Variants in OPTN observed in about 807,000 individuals in gnomAD.
The protein encoded by OPTN is E3-14.7K-interacting protein.
Under a neutral mutation model 70.4 loss-of-function variants are expected in OPTN, and 54 were observed. The observed-to-expected ratio is 0.77, with a 90% confidence interval of 0.62 to 0.96. OPTN has a LOEUF of 0.96. Ranked by LOEUF, OPTN falls within the 40% of genes least tolerant of loss-of-function variation. OPTN has a pLI of 0.00. For missense variants in OPTN, 624 were observed against 673.2 expected, an observed-to-expected ratio of 0.93 and a Z score of 0.81; for synonymous variants, 256 against 248.5, an observed-to-expected ratio of 1.03 and a Z score of -0.28.
intron 7 of OPTN, among the ~76,000 whole-genome samples, chr10:13,120,635 G>A (rs942319061): frequency 6.6e-6 from 1 of 151,764 alleles, no homozygotes; most frequent in Non-Finnish European, 1.5e-5. Flanking sequence ...TCCATTTTGA[G>A]TTTGTTTCTG....
chr10:13,122,739 C>G (rs762882402), intron 8 of OPTN: 1 of 419,238 alleles, frequency 2.4e-6, no homozygotes, highest in Non-Finnish European at 4.5e-6. Context: ...TGCAGTGGCA[C>G]GATCTCAGCT....
intron 6 of OPTN, among the ~76,000 whole-genome samples, chr10:13,117,058 C>A (rs74524542): frequency 0.014 from 2,009 of 148,280 alleles, 41 homozygotes; most frequent in South Asian, 0.056. Flanking sequence ...AGACGATTGT[C>A]TGAAAAGAAC....
intron 11 of OPTN, among the ~76,000 whole-genome samples, chr10:13,126,588 G>A (rs56156496): frequency 0.011 from 1,684 of 152,028 alleles, 12 homozygotes; most frequent in Non-Finnish European, 0.017. Flanking sequence ...CCAGCACTTC[G>A]TATTTCTAAG....
intron 5 of OPTN, among the ~76,000 whole-genome samples, chr10:13,115,586 T>C (rs1173220550): frequency 1.5e-5 from 2 of 132,576 alleles, no homozygotes; most frequent in Non-Finnish European, 3.1e-5. Flanking sequence ...TAATTACATA[T>C]ATAACATTAT....
chr10:13,111,955 G>C (rs150877858), intron 4 of OPTN, among the ~76,000 whole-genome samples: 2,354 of 134,536 alleles, frequency 0.017, 37 homozygotes, highest in East Asian at 0.045. Context: ...TCACGCCATT[G>C]TCCTGCCTCA....
chr10:13,136,742 C>T lies in OPTN; in HGVS notation c.1613-3C>T, dbSNP rs2131534998. 6.2e-7 allele frequency: 1 copy of T among 1,613,912 alleles called. No individual in the cohort carries two copies. The highest frequency in any genetic ancestry group is 8.5e-7 in the Non-Finnish European group (1 of 1,179,878). On this transcript the variant is annotated splice_polypyrimidine_tract_variant and splice_region_variant and intron_variant, in intron 14 of 14. Coordinates refer to ENST00000378747, the MANE Select transcript of OPTN (RefSeq NM_001008212.2). ...CTAATGGAATTATCATACTTATTCC[C>T]AGGAGCTGAGGACAGGGACTGGCGG...
intron 1 of OPTN, among the ~76,000 whole-genome samples, chr10:13,102,626 G>C (rs1028251585): frequency 3.9e-5 from 6 of 152,168 alleles, no homozygotes; most frequent in African/African-American, 1.4e-4. Flanking sequence ...TGTGGGGATG[G>C]AGAGGAGGCA....
chr10:13,137,188 A>G lies in OPTN; in HGVS notation c.*322A>G, dbSNP rs1434022607. 7.1e-6 allele frequency: 3 copies of G among 423,500 alleles called. No homozygotes were observed. The highest frequency in any genetic ancestry group is 6.0e-5 in the African/African-American group (3 of 50,030). 26.2% of individuals were successfully genotyped at this position (423,500 alleles called of 1,614,324 possible). A position where few individuals can be genotyped will look rare whatever the true frequency, so the allele number is the denominator to read the frequency against. On this transcript the variant is annotated 3_prime_UTR_variant, in exon 15 of 15. Transcript: ENST00000378747. ...CAGCTACTCGCGAGGTTGAGGCAGG[A>G]GAATTGCTTGAACCCAGGAAGTGGC...
At chr10:13,111,844 G>GTT (rs34942122) in intron 4 of OPTN, among the ~76,000 whole-genome samples, 17,984 of 87,724 alleles carry the variant, frequency 0.21, 2,836 homozygotes, top group East Asian at 0.31. Context: ...TTTTTTGACT[G>GTT]TTTTTTTTTT....
chr10:13,107,778 C>T (rs763579827), intron 1 of OPTN, among the ~76,000 whole-genome samples: 2 of 152,132 alleles, frequency 1.3e-5, no homozygotes, highest in East Asian at 1.9e-4. Flanking sequence ...TTGTAGAATG[C>T]GTGTGTGGGC....
At chr10:13,124,927 G>A (rs1289100257) in intron 9 of OPTN, among the ~76,000 whole-genome samples, 1 of 152,152 alleles carries the variant, frequency 6.6e-6, no homozygotes, top group Non-Finnish European at 1.5e-5. Flanking sequence ...AATGCTTTGT[G>A]CATAGCTGTC....
chr10:13,119,053 T>G lies in OPTN; in HGVS notation c.779+13T>G, dbSNP rs1352853282. 1 of 1,612,942 alleles carries G rather than the reference T, an allele frequency of 6.2e-7. No individual in the cohort carries two copies. Among genetic ancestry groups the G allele is most frequent in the African/African-American group, 1.3e-5 (1 of 75,022 alleles). ...AGGCCAAAGAAAGGTATGAAATAGGTTAACTTGAAATATGTGTTTTTTTAA... is the reference window on the plus strand; with the variant it reads ...AGGCCAAAGAAAGGTATGAAATAGGGTAACTTGAAATATGTGTTTTTTTAA... On this transcript the variant is annotated intron_variant, in intron 7 of 14. Coordinates refer to ENST00000378747, the MANE Select transcript of OPTN (RefSeq NM_001008212.2).
At chr10:13,118,756 A>G (rs1833275906) in intron 6 of OPTN, 132 bp from the exon 7 acceptor site, 2 of 805,672 alleles carry the variant, frequency 2.5e-6, no homozygotes, top group Non-Finnish European at 4.2e-6. Flanking sequence ...GTGCTTGTTC[A>G]CTAGTTGAGA....
intron 11 of OPTN, among the ~76,000 whole-genome samples, chr10:13,126,980 C>T (rs778222087): frequency 4.6e-5 from 7 of 152,050 alleles, no homozygotes; most frequent in Admixed American, 6.6e-5. Flanking sequence ...GCTGTGATCA[C>T]GCCACTGTAC....
In OPTN at chr10:13,124,014, C is replaced by G. The variant is rs745437007; in HGVS notation, c.902C>G (p.Ala301Gly). The change falls in exon 9 of 15, where the codon GCA (alanine) becomes GGA (glycine). Residue 301 changes from alanine to glycine, a missense_variant. Ala to Gly is a moderately conservative substitution (Grantham distance 60). Coordinates refer to ENST00000378747, the MANE Select transcript of OPTN (RefSeq NM_001008212.2). ...TGATAGGTTGGAAGCGAAGTGGAAG[C>G]ACTGAACCTCCAGGTGACATCTCTG... is the stretch of plus-strand genomic sequence containing the variant. Reference protein sequence around the residue: ...GPETVGSEVEALNLQVTSLFK... With the variant: ...GPETVGSEVEGLNLQVTSLFK... 16 of 1,613,460 alleles carry G rather than the reference C, an allele frequency of 9.9e-6. No homozygotes were observed. In the African/African-American group the frequency reaches 2.1e-4, roughly 22 times the overall value.
chr10:13,121,812 T>A (rs1833357996), intron 7 of OPTN, among the ~76,000 whole-genome samples: 1 of 152,184 alleles, frequency 6.6e-6, no homozygotes, highest in Non-Finnish European at 1.5e-5. Flanking sequence ...GCACATGGCT[T>A]TTTGAAGGTC....
At chr10:13,103,697 T>A (rs1418888916) in intron 1 of OPTN, among the ~76,000 whole-genome samples, 1 of 152,022 alleles carries the variant, frequency 6.6e-6, no homozygotes, top group Non-Finnish European at 1.5e-5. Context: ...AGGTCATTAC[T>A]AGAATTACTT....
chr10:13,115,725 T>C (rs114174735), intron 5 of OPTN, among the ~76,000 whole-genome samples: 4,786 of 149,868 alleles, frequency 0.032, 164 homozygotes, highest in African/African-American at 0.082. Flanking sequence ...GGAATATAAA[T>C]GTCTTTCAAA....
At chr10:13,112,409 C>T (rs961100634) in intron 4 of OPTN, 44 bp from the exon 5 acceptor site, 3 of 1,588,190 alleles carry the variant, frequency 1.9e-6, no homozygotes, top group Admixed American at 1.7e-5. Flanking sequence ...GGTGCCCAGC[C>T]TTAGTTTGAT....
Sources: allele counts gnomAD v4.1 joint callset (sites outside exome capture counted in the v4.1 genomes callset), GRCh38; gene constraint gnomAD v4.1.1; transcripts MANE v1.5; gene names NCBI Gene and HGNC (gene_info 2026-07-23, HGNC 2026-07-21).